Variants in XYLT1 observed in about 807,000 individuals in gnomAD.
The protein encoded by XYLT1 is beta-D-xylosyltransferase 1.
Under a neutral mutation model 91.3 loss-of-function variants are expected in XYLT1, and 36 were observed. That is an observed-to-expected ratio of 0.39 (90% CI 0.30 to 0.52). The LOEUF (loss-of-function observed/expected upper bound fraction) is 0.52. Ranked by LOEUF, XYLT1 falls within the 20% of genes least tolerant of loss-of-function variation. The probability of loss-of-function intolerance (pLI) is 0.68; values close to 1 mark genes in which losing one functional copy is unlikely to be tolerated. For missense variants in XYLT1, 1,242 were observed against 1,284.5 expected (o/e 0.97, Z 0.51); for synonymous variants, 588 against 532.0 (o/e 1.11, Z -1.45).
At chr16:17,303,082 T>G (rs1488894711) in intron 2 of XYLT1, among the ~76,000 whole-genome samples, 2 of 150,878 alleles carry the variant, frequency 1.3e-5, no homozygotes, top group Admixed American at 1.3e-4. Flanking sequence ...GACCACTCAC[T>G]GATTCCTTGG....
rs1032603040 is a variant in XYLT1 at position 17,258,444 on chromosome 16, GA to G, written c.913+543del. 1.4e-3 allele frequency among the ~76,000 whole-genome samples: 217 copies of G among 149,826 alleles called. 1 individual carries two copies. The highest frequency in any genetic ancestry group is 5.2e-3 in the African/African-American group (211 of 40,828). ...GGAAGAAAATGAGGAAGGAAGGGAG[GA>G]AAAAGGGAGAAAGAAAATAAAGGAA... On this transcript the variant is annotated intron_variant, in intron 3 of 11. Coordinates refer to ENST00000261381, the MANE Select transcript of XYLT1 (RefSeq NM_022166.4).
At chr16:17,299,539 G>C (rs769430040) in intron 2 of XYLT1, among the ~76,000 whole-genome samples, 2 of 152,184 alleles carry the variant, frequency 1.3e-5, no homozygotes, top group Non-Finnish European at 2.9e-5. Flanking sequence ...TGCTGCACAG[G>C]GGCTAAAGAC....
intron 3 of XYLT1, among the ~76,000 whole-genome samples, chr16:17,257,161 G>T (rs1439771979): frequency 6.6e-6 from 1 of 152,214 alleles, no homozygotes; most frequent in African/African-American, 2.4e-5. Flanking sequence ...AGGGACAGCT[G>T]GGCTGGCCTT....
intron 2 of XYLT1, among the ~76,000 whole-genome samples, chr16:17,283,625 T>C (rs2034090912): frequency 6.6e-6 from 1 of 152,198 alleles, no homozygotes; most frequent in Admixed American, 6.5e-5. Flanking sequence ...ATGACAACAA[T>C]GAAAGACCCA....
At chr16:17,444,104 C>G (rs1445673640) in intron 1 of XYLT1, among the ~76,000 whole-genome samples, 1 of 152,076 alleles carries the variant, frequency 6.6e-6, no homozygotes, top group African/African-American at 2.4e-5. Flanking sequence ...AAATCTGTTT[C>G]CTCAGAGGTC....
At chr16:17,338,016 C>A in intron 2 of XYLT1, 2 of 359,834 alleles carry the variant, frequency 5.6e-6, no homozygotes, top group Non-Finnish European at 1.1e-5. Flanking sequence ...ACCTCACCCA[C>A]CTCGGCCTCC....
intron 1 of XYLT1, among the ~76,000 whole-genome samples, chr16:17,358,874 C>G (rs937872664): frequency 6.6e-6 from 1 of 152,112 alleles, no homozygotes; most frequent in Non-Finnish European, 1.5e-5. Flanking sequence ...GGAGCACATT[C>G]CATGGTCTGG....
chr16:17,410,645 C>CCTTTTTT (rs1555454985), intron 1 of XYLT1, among the ~76,000 whole-genome samples: 9 of 93,036 alleles, frequency 9.7e-5, no homozygotes, highest in Admixed American at 1.4e-4. Context: ...CCTGTCATTA[C>CCTTTTTT]TTTTTTTTTT....
chr16:17,244,307 G>C (rs749769204), intron 3 of XYLT1, among the ~76,000 whole-genome samples: 1 of 152,060 alleles, frequency 6.6e-6, no homozygotes, highest in Non-Finnish European at 1.5e-5. Flanking sequence ...AAGTGTGGCC[G>C]GCAAGCACTG....
chr16:17,380,456 C>T (rs1485064261), intron 1 of XYLT1, among the ~76,000 whole-genome samples: 2 of 152,104 alleles, frequency 1.3e-5, no homozygotes, highest in African/African-American at 4.8e-5. Flanking sequence ...AAGACAGAGA[C>T]TGGAAAAGAA....
chr16:17,397,837 T>C (rs975975967), intron 1 of XYLT1, among the ~76,000 whole-genome samples: 2 of 150,122 alleles, frequency 1.3e-5, no homozygotes, highest in Non-Finnish European at 3.0e-5. Context: ...CTTTTTTTTT[T>C]TTTTTTTTTT....
At chr16:17,447,566 G>A (rs112821694) in intron 1 of XYLT1, among the ~76,000 whole-genome samples, 1,543 of 152,328 alleles carry the variant, frequency 0.01, 24 homozygotes, top group African/African-American at 0.035. Context: ...CTTGGCAGGG[G>A]CTCATATTTT....
chr16:17,369,155 G>A (rs2035493977), intron 1 of XYLT1, among the ~76,000 whole-genome samples: 2 of 146,194 alleles, frequency 1.4e-5, no homozygotes, highest in African/African-American at 5.1e-5. Context: ...TTTTTAGATG[G>A]AGTTTTGCTT....
intron 1 of XYLT1, among the ~76,000 whole-genome samples, chr16:17,359,585 G>A (rs1191811261): frequency 6.6e-6 from 1 of 152,150 alleles, no homozygotes; most frequent in Non-Finnish European, 1.5e-5. Context: ...TAACTGAAAG[G>A]AAACTGCCAA....
chr16:17,286,663 C>CTCA (rs1363336347), intron 2 of XYLT1, among the ~76,000 whole-genome samples: 11 of 151,662 alleles, frequency 7.3e-5, no homozygotes, highest in Non-Finnish European at 2.9e-5. Flanking sequence ...CATCATCATC[C>CTCA]TCATCATCAT....
At chr16:17,191,089 TTC>T (rs1305666762) in intron 5 of XYLT1, among the ~76,000 whole-genome samples, 6 of 152,334 alleles carry the variant, frequency 3.9e-5, no homozygotes, top group Admixed American at 6.5e-5. Flanking sequence ...GGTTTTTAGT[TTC>T]TGTCTCTAGT....
intron 1 of XYLT1, among the ~76,000 whole-genome samples, chr16:17,423,277 A>T (rs1426491460): frequency 1.3e-5 from 2 of 152,188 alleles, no homozygotes; most frequent in Non-Finnish European, 2.9e-5. Flanking sequence ...CTGATGTTTC[A>T]TCTCATGTGA....
At chr16:17,388,015 G>GT (rs1184582866) in intron 1 of XYLT1, among the ~76,000 whole-genome samples, 6 of 152,124 alleles carry the variant, frequency 3.9e-5, no homozygotes, top group Non-Finnish European at 8.8e-5. Context: ...TAAACCCACC[G>GT]TAAGCTGAAA....
In XYLT1 at chr16:17,108,477, T is replaced by C. The variant is rs1337871888; in HGVS notation, c.*218A>G. On this transcript the variant is annotated 3_prime_UTR_variant, in exon 12 of 12. Coordinates refer to ENST00000261381, the MANE Select transcript of XYLT1 (RefSeq NM_022166.4). ...ACCAGAAGAGGTGAGACAGTCACAGTGCAGGGACTGAGCCATCCCACCCGC... is the reference window on the plus strand; with the variant it reads ...ACCAGAAGAGGTGAGACAGTCACAGCGCAGGGACTGAGCCATCCCACCCGC... The C allele has an allele frequency of 2.0e-6, 1 of 509,286 alleles. No homozygotes were observed. The highest frequency in any genetic ancestry group is 3.6e-5 in the Admixed American group (1 of 28,010). 31.5% of individuals were successfully genotyped at this position (509,286 alleles called of 1,614,324 possible).
Sources: allele counts gnomAD v4.1 joint callset (sites outside exome capture counted in the v4.1 genomes callset), GRCh38; gene constraint gnomAD v4.1.1; transcripts MANE v1.5; gene names NCBI Gene and HGNC (gene_info 2026-07-23, HGNC 2026-07-21).